The following ERMP1 variants were observed in gnomAD, a reference collection of about 807,000 sequenced individuals.
ERMP1 encodes the protein Felix-ina.
In ERMP1, 86 loss-of-function variants were observed where a neutral mutation model predicts 92.0. That is an observed-to-expected ratio of 0.93 (90% CI 0.79 to 1.12). The LOEUF (loss-of-function observed/expected upper bound fraction) is 1.12. ERMP1 is among the 50% of genes most tolerant of loss of function. The pLI, the probability that ERMP1 is intolerant of heterozygous loss-of-function variation, is 0.00. For missense variants in ERMP1, 1,342 were observed against 1,116.3 expected (o/e 1.20, Z -2.88); for synonymous variants, 530 against 412.8 (o/e 1.28, Z -3.44).
upstream of ERMP1, among the ~76,000 whole-genome samples, chr9:5,836,499 C>T (rs531178733): frequency 9.2e-5 from 14 of 152,290 alleles, no homozygotes; most frequent in South Asian, 1.2e-3. Context: ...GGATTCCAAA[C>T]GTGGAAGAGT....
chr9:5,842,068 G>T (rs551176911), intron 6 of ERMP1, among the ~76,000 whole-genome samples: 3 of 151,980 alleles, frequency 2.0e-5, no homozygotes, highest in African/African-American at 7.3e-5. Flanking sequence ...AAGGTAGTGC[G>T]GACCCAAAGA....
chr9:5,812,324 G>C, intron 5 of ERMP1, 107 bp from the exon 6 acceptor site: 5 of 622,916 alleles, frequency 8.0e-6, no homozygotes, highest in Non-Finnish European at 1.4e-5. Context: ...TCAAAGCAGT[G>C]GCACGATTGC....
At chr9:5,859,669 A>T (rs59721086) in intron 5 of ERMP1, among the ~76,000 whole-genome samples, 1 of 152,318 alleles carries the variant, frequency 6.6e-6, no homozygotes, top group East Asian at 1.9e-4. Flanking sequence ...TTGCTATCCC[A>T]ACTTACCCAT....
Position 5,832,986 on chromosome 9 carries a change from G to T in ERMP1, c.42C>A (p.Arg14=). 1 of 1,560,728 alleles carries T rather than the reference G, an allele frequency of 6.4e-7. No homozygotes were observed. The highest frequency in any genetic ancestry group is 8.6e-7 in the Non-Finnish European group (1 of 1,164,420). ...GSESAAVRRH[R]VGVERREGAA... is the part of the protein sequence containing the mutation. ...CTCCCTCTCGACGCTCTACTCCGAC[G>T]CGGTGCCGCCTCACAGCAGCCGACT... Residue 14 remains arginine (R), a synonymous_variant, in exon 1 of 15, where the codon CGC becomes CGA. Transcript: ENST00000339450.
At chr9:5,817,301 T>C (rs1253266152) in intron 4 of ERMP1, among the ~76,000 whole-genome samples, 1 of 152,144 alleles carries the variant, frequency 6.6e-6, no homozygotes, top group African/African-American at 2.4e-5. Flanking sequence ...GCGATTCTCC[T>C]GCCTCAGCCT....
chr9:5,804,174 T>A (rs970095551), intron 10 of ERMP1, among the ~76,000 whole-genome samples: 6 of 152,168 alleles, frequency 3.9e-5, no homozygotes, highest in African/African-American at 1.4e-4. Flanking sequence ...TGGTTCCCTA[T>A]CCTCAAATTT....
rs77475899 is a variant in ERMP1 at position 5,811,118 on chromosome 9, T to G, written c.1320A>C (p.Lys440Asn). Residue 440 changes from lysine to asparagine, a missense_variant, in exon 7 of 15, where the codon AAA (lysine) becomes AAC (asparagine). Coordinates refer to ENST00000339450, the MANE Select transcript of ERMP1 (RefSeq NM_024896.3). ...TTAGAGGAAAATACTTACTCTTATGTTTGGGCTGCAAAAATTTTTTGCCCA... is the reference window on the plus strand; with the variant it reads ...TTAGAGGAAAATACTTACTCTTATGGTTGGGCTGCAAAAATTTTTTGCCCA... Reference protein sequence around the residue: ...LYLGKKFLQPKHKTGNYKKDF... With the variant: ...LYLGKKFLQPNHKTGNYKKDF... The G allele has an allele frequency of 1.4e-4, 220 of 1,611,054 alleles. 5 individuals carry two copies. In the East Asian group the frequency reaches 4.9e-3, roughly 36 times the overall value.
intron 5 of ERMP1, among the ~76,000 whole-genome samples, chr9:5,860,633 A>AT (rs1226513791): frequency 3.9e-5 from 3 of 76,368 alleles, no homozygotes; most frequent in South Asian, 6.0e-4. Flanking sequence ...TTTTGTAGAG[A>AT]TCGGGGGGTC....
At chr9:5,861,731 T>TTG (rs1369718756) in intron 5 of ERMP1, among the ~76,000 whole-genome samples, 1 of 145,452 alleles carries the variant, frequency 6.9e-6, no homozygotes, top group Non-Finnish European at 1.5e-5. Context: ...TTTTTTTTTT[T>TTG]TTTTTTTTTT....
chr9:5,834,627 T>G (rs1369479176), upstream of ERMP1, among the ~76,000 whole-genome samples: 2 of 152,090 alleles, frequency 1.3e-5, no homozygotes, highest in Admixed American at 6.5e-5. Context: ...TCTATCTTAT[T>G]TAATCATCAC....
chr9:5,855,390 G>C (rs1301607720), intron 6 of ERMP1, among the ~76,000 whole-genome samples: 2 of 152,122 alleles, frequency 1.3e-5, no homozygotes, highest in African/African-American at 4.8e-5. Flanking sequence ...GCCTGGGCTA[G>C]AGCCCTTAGC....
At chr9:5,866,475 G>A (rs1476742956) in intron 5 of ERMP1, among the ~76,000 whole-genome samples, 1 of 152,112 alleles carries the variant, frequency 6.6e-6, no homozygotes, top group African/African-American at 2.4e-5. Context: ...TTAATATGCA[G>A]ACTATGACAA....
intron 6 of ERMP1, among the ~76,000 whole-genome samples, chr9:5,850,427 A>AAAAAAAAAAAAAAAAAAAAAAAAAAAAG (rs142972934): frequency 6.9e-6 from 1 of 144,542 alleles, no homozygotes; most frequent in Non-Finnish European, 1.5e-5. Context: ...AAAAAAAAAA[A>AAAAAAAAAAAAAAAAAAAAAAAAAAAAG]AAGAAGAAGA....
chr9:5,790,657 G>C (rs764454073), intron 13 of ERMP1, among the ~76,000 whole-genome samples: 16 of 152,120 alleles, frequency 1.1e-4, no homozygotes, highest in Non-Finnish European at 2.1e-4. Flanking sequence ...TCAAGGCAAA[G>C]GCATTAAATA....
At chr9:5,792,238 C>T (rs910231103) in intron 13 of ERMP1, among the ~76,000 whole-genome samples, 2 of 152,102 alleles carry the variant, frequency 1.3e-5, no homozygotes, top group African/African-American at 4.8e-5. Context: ...CTCCAGGCAA[C>T]AGGAAATCCA....
upstream of ERMP1, among the ~76,000 whole-genome samples, chr9:5,834,705 G>GTGTGTGTGTC (rs1414658450): frequency 1.5e-5 from 2 of 131,910 alleles, no homozygotes; most frequent in Non-Finnish European, 3.1e-5. Context: ...ATGTATATAT[G>GTGTGTGTGTC]TGTGTGTGTG....
At position 5,832,914 on chromosome 9, in the gene ERMP1, A is replaced by G; in HGVS notation, c.114T>C (p.Pro38=). 6.4e-7 allele frequency: 1 copy of G among 1,560,774 alleles called. No individual in the cohort carries two copies. The highest frequency in any genetic ancestry group is 8.6e-7 in the Non-Finnish European group (1 of 1,164,366). The change falls in exon 1 of 15, where the codon CCT becomes CCC. Residue 38 remains proline (P), a synonymous_variant. Coordinates refer to ENST00000339450, the MANE Select transcript of ERMP1 (RefSeq NM_024896.3). ...CGCCGCCGCTGCACCCATCCACCAG[A>G]GGCTCCTGCGCTCGGGCCTCCCTCT... is the stretch of plus-strand genomic sequence containing the variant. ...PPEREARAQE[P]LVDGCSGGGR...
Position 5,830,822 on chromosome 9 carries a change from T to C in ERMP1, c.545A>G (p.Asn182Ser), listed in dbSNP as rs780186073. The C allele has an allele frequency of 3.4e-5, 55 of 1,613,968 alleles. No individual in the cohort carries two copies. The highest frequency in any genetic ancestry group is 4.2e-5 in the Non-Finnish European group (49 of 1,179,942). The change falls in exon 2 of 15, where the codon AAC becomes AGC. Residue 182 changes from asparagine to serine, a missense_variant. Coordinates refer to ENST00000339450, the MANE Select transcript of ERMP1 (RefSeq NM_024896.3). Reference sequence around the variant, plus strand: ...CAGCTTTACCACAACATTGGTGATGTTGTCATAATAGCTTGTAAAACCTCC... The same window carrying C: ...CAGCTTTACCACAACATTGGTGATGCTGTCATAATAGCTTGTAAAACCTCC... ...FLGGFTSYYDNITNVVVKLEP... is the reference protein window; with the variant it reads ...FLGGFTSYYDSITNVVVKLEP...
Position 5,833,036 on chromosome 9 carries a change from G to A in ERMP1, c.-9C>T. 2.0e-6 allele frequency: 3 copies of A among 1,480,224 alleles called. No individual in the cohort carries two copies. Among genetic ancestry groups the A allele is most frequent in the East Asian group, 2.7e-5 (1 of 36,540 alleles). The allele number at this position is 1,480,224 out of a possible 1,614,324, so 91.7% of individuals were successfully genotyped here. A position where few individuals can be genotyped will look rare whatever the true frequency, so the allele number is the denominator to read the frequency against. On this transcript the variant is annotated 5_prime_UTR_variant, in exon 1 of 15. Transcript: ENST00000339450. ...TCAGAACCCCACTCCATGGCCACGA[G>A]CCTCAGCTGCCAGCCCAACCGCCCC...
Sources: allele counts gnomAD v4.1 joint callset (sites outside exome capture counted in the v4.1 genomes callset), GRCh38; gene constraint gnomAD v4.1.1; transcripts MANE v1.5; gene names NCBI Gene and HGNC (gene_info 2026-07-23, HGNC 2026-07-21).